Variants in IBTK observed in about 807,000 individuals in gnomAD.
The protein encoded by IBTK is BTK-binding protein.
A neutral mutation model predicts 154.9 loss-of-function variants in IBTK; 83 were observed. The observed-to-expected ratio is 0.54, with a 90% confidence interval of 0.45 to 0.64. The LOEUF is 0.64. IBTK is among the 30% of genes least tolerant of loss of function. The pLI is 0.00. For missense variants in IBTK, 1,332 were observed against 1,584.6 expected, an observed-to-expected ratio of 0.84 and a Z score of 2.71; for synonymous variants, 515 against 536.1, an observed-to-expected ratio of 0.96 and a Z score of 0.54.
intron 19 of IBTK, 127 bp downstream of exon 19, chr6:82,201,295 C>T: frequency 2.0e-6 from 1 of 498,654 alleles, no homozygotes; most frequent in Non-Finnish European, 3.5e-6. Context: ...AATCCTATAT[C>T]ATCAGTTTTA....
chr6:82,240,905 C>T (rs988455090), intron 1 of IBTK, 62 bp from the exon 2 acceptor site: 16 of 402,566 alleles, frequency 4.0e-5, no homozygotes, highest in African/African-American at 8.2e-5. Flanking sequence ...TCCTTGAGTA[C>T]TTTAGAACAC....
At chr6:82,192,489 G>T (rs1768803525) in intron 23 of IBTK, among the ~76,000 whole-genome samples, 1 of 152,168 alleles carries the variant, frequency 6.6e-6, no homozygotes, top group Admixed American at 6.5e-5. Context: ...GCTCAAGCCT[G>T]TAATCCCAGT....
At chr6:82,223,843 G>A (rs927306259) in intron 7 of IBTK, among the ~76,000 whole-genome samples, 1 of 152,046 alleles carries the variant, frequency 6.6e-6, no homozygotes, top group Non-Finnish European at 1.5e-5. Flanking sequence ...CCAGCTATTC[G>A]GGGGGCTGAG....
chr6:82,220,629 A>G lies in IBTK; in HGVS notation c.1209T>C (p.Gly403=), dbSNP rs1770060804. The part of the protein sequence containing the change: ...VDPEHLKENG[G]QKICILAMDG... ...CCATTGCAAGAATGCAAATTTTTTG[A>G]CCCCCATTTTCTTTCAAATGTTCAG... Residue 403 remains glycine (G), a synonymous_variant, in exon 9 of 29, where the codon GGT becomes GGC. Transcript: ENST00000306270. 6.2e-7 allele frequency: 1 copy of G among 1,610,692 alleles called. No individual in the cohort carries two copies. The highest frequency in any genetic ancestry group is 1.3e-5 in the African/African-American group (1 of 74,236).
intron 5 of IBTK, among the ~76,000 whole-genome samples, chr6:82,226,901 C>G (rs968341148): frequency 3.3e-5 from 5 of 152,136 alleles, no homozygotes; most frequent in Non-Finnish European, 7.4e-5. Context: ...CCACTGCGCC[C>G]GGCCTAGTCT....
chr6:82,223,724 CA>C, intron 7 of IBTK, 104 bp from the exon 8 acceptor site: 1 of 907,484 alleles, frequency 1.1e-6, no homozygotes, highest in Non-Finnish European at 1.7e-6. Context: ...TTGGGGAGGC[CA>C]AGGTGGGCAG....
At chr6:82,205,322 C>A (rs1769360158) in intron 16 of IBTK, 1 of 158,348 alleles carries the variant, frequency 6.3e-6, no homozygotes, top group African/African-American at 2.4e-5. Flanking sequence ...AAAAACACTT[C>A]TCAAGCTAAT....
chr6:82,207,632 T>A lies in IBTK; in HGVS notation c.2510-2674A>T, dbSNP rs977022378. On this transcript the variant is annotated intron_variant, in intron 16 of 28. Coordinates refer to ENST00000306270, the MANE Select transcript of IBTK (RefSeq NM_015525.4). ...AAGAAACCCAAAATAGCCAATACAATCTTGAAATAGCAGAACACAGTAGGA... is the reference window on the plus strand; with the variant it reads ...AAGAAACCCAAAATAGCCAATACAAACTTGAAATAGCAGAACACAGTAGGA... Among the ~76,000 whole-genome samples, 3 of 152,144 alleles carry A rather than the reference T, an allele frequency of 2.0e-5. No homozygotes were observed. In the East Asian group the frequency reaches 5.8e-4, roughly 29 times the overall value.
At chr6:82,209,538 T>C (rs1193268276) in intron 16 of IBTK, among the ~76,000 whole-genome samples, 2 of 152,098 alleles carry the variant, frequency 1.3e-5, no homozygotes, top group Non-Finnish European at 2.9e-5. Context: ...GAAAACATAA[T>C]AGGGGTTTTC....
intron 23 of IBTK, 55 bp from the exon 24 acceptor site, chr6:82,191,934 C>A: frequency 1.1e-6 from 1 of 910,984 alleles, no homozygotes. Flanking sequence ...TAAAGCCCAA[C>A]CCCCAACTTC....
chr6:82,245,282 G>A (rs1771100963), intron 1 of IBTK, among the ~76,000 whole-genome samples: 1 of 152,134 alleles, frequency 6.6e-6, no homozygotes, highest in Non-Finnish European at 1.5e-5. Context: ...GTACTGGCCA[G>A]GCACAGTGGC....
In IBTK at chr6:82,222,380, C is replaced by G. The variant is rs182249325; in HGVS notation, c.1124+1060G>C. ...TACACAACTGCTCCCACTAGTTGAG[C>G]TATCCACTTTCAAGAATCATTTATA... On this transcript the variant is annotated intron_variant, in intron 8 of 28. Transcript: ENST00000306270. 3.1e-3 allele frequency among the ~76,000 whole-genome samples: 470 copies of G among 152,210 alleles called. 8 individuals are homozygous for G. Among genetic ancestry groups the G allele is most frequent in the Non-Finnish European group, 3.1e-3 (210 of 68,010 alleles).
At chr6:82,213,479 G>A (rs1225371040) in intron 12 of IBTK, among the ~76,000 whole-genome samples, 2 of 152,078 alleles carry the variant, frequency 1.3e-5, no homozygotes, top group Non-Finnish European at 2.9e-5. Flanking sequence ...TATGGTGTTA[G>A]GCAATTTACA....
chr6:82,225,760 G>A lies in IBTK; in HGVS notation c.655-113C>T, dbSNP rs547657477. On this transcript the variant is annotated intron_variant, in intron 5 of 28. Transcript: ENST00000306270. ...CATGAAATGACATGACTGATACATG[G>A]CTGTATCTATCATAGGTAAATTCTA... 113 of 732,806 alleles carry A rather than the reference G, an allele frequency of 1.5e-4. 1 individual carries two copies. In the East Asian group the frequency reaches 3.2e-3, roughly 20 times the overall value. The allele number at this position is 732,806 out of a possible 1,614,324, so 45.4% of individuals were successfully genotyped here.
chr6:82,200,738 T>C (rs762892456), intron 19 of IBTK, 30 bp from the exon 20 acceptor site: 14 of 695,782 alleles, frequency 2.0e-5, no homozygotes, highest in African/African-American at 1.8e-4. Flanking sequence ...ACTTTTCAAA[T>C]ACAAAATCTG....
chr6:82,190,474 A>G (rs1335991633), intron 25 of IBTK, among the ~76,000 whole-genome samples: 1 of 152,224 alleles, frequency 6.6e-6, no homozygotes, highest in East Asian at 1.9e-4. Flanking sequence ...CTGGAGTACA[A>G]CCTATTTTAC....
At position 82,218,095 on chromosome 6, in the gene IBTK, G is replaced by A. The variant is rs1308212641; in HGVS notation, c.1291C>T (p.Arg431Ter). The change falls in exon 10 of 29, where the codon CGA (arginine) becomes TGA (stop). Residue 431 changes from arginine to a stop codon, truncating the protein, a stop_gained. Transcript: ENST00000306270. LOFTEE classifies it high-confidence loss of function. ...RSVNSSLKQC[R>*]WAYPRQVFIS... ...AAGACCTGACGTGGATAGGCCCATC[G>A]ACACTGCTTCAGAGAACTGTTGACT... is the stretch of plus-strand genomic sequence containing the variant. The A allele has an allele frequency of 1.3e-6, 2 of 1,596,924 alleles. No individual in the cohort carries two copies. The highest frequency in any genetic ancestry group is 1.7e-6 in the Non-Finnish European group (2 of 1,173,234).
intron 26 of IBTK, chr6:82,175,141 T>C (rs1582176247): frequency 3.6e-6 from 1 of 274,570 alleles, no homozygotes; most frequent in African/African-American, 2.3e-5. Flanking sequence ...TACTTGGAAA[T>C]AGTCGTTTAT....
Position 82,200,607 on chromosome 6 carries a change from T to C in IBTK, c.2892A>G (p.Ile964Met), listed in dbSNP as rs759164207. ...CTTACGAATGATTTTGTTCCATATT[T>C]ATTTCTTCTTTCAAGAAGATATCTC... ...EDGDIFLKEEINMEQNHSETM... is the reference protein window; with the variant it reads ...EDGDIFLKEEMNMEQNHSETM... Residue 964 changes from isoleucine (I) to methionine (M), a missense_variant, in exon 20 of 29, where the codon ATA becomes ATG. By Grantham distance (10) the Ile-to-Met change is conservative (BLOSUM62 1). Around this residue, in one of 3 missense-constraint regions of IBTK, gnomAD observed 1,134 missense variants for 1,274.7 expected, o/e 0.89. Transcript: ENST00000306270. 3.8e-6 allele frequency: 6 copies of C among 1,573,154 alleles called. No individual in the cohort carries two copies. In the African/African-American group the frequency reaches 5.5e-5, roughly 14 times the overall value.
Sources: gnomAD v4.1 joint callset for allele counts (sites outside exome capture counted in the v4.1 genomes callset) on GRCh38, gnomAD v4.1.1 for gene constraint, gnomAD v4.1.1 regional missense constraint, MANE v1.5 for transcripts, NCBI Gene and HGNC (gene_info 2026-07-23, HGNC 2026-07-21) for gene names.